SH3KBP1: variants seen among roughly 807,000 people sequenced by gnomAD.
SH3KBP1 encodes SH3 domain containing kinase binding protein 1.
In SH3KBP1, 8 loss-of-function variants were observed where a neutral mutation model predicts 50.1. That is an observed-to-expected ratio of 0.16 (90% CI 0.09 to 0.29). SH3KBP1 has a LOEUF of 0.29. SH3KBP1 is among the 10% of genes least tolerant of loss of function. SH3KBP1 has a pLI of 1.00. For missense variants in SH3KBP1, 377 were observed against 535.2 expected (o/e 0.70, Z 2.92); for synonymous variants, 227 against 218.6 (o/e 1.04, Z -0.34).
At chrX:19,565,187 A>T (rs902324193) in intron 13 of SH3KBP1, among the ~76,000 whole-genome samples, 3 of 103,160 alleles carry the variant, frequency 2.9e-5, no homozygotes, top group Non-Finnish European at 5.8e-5. Context: ...TCAGCCTCCC[A>T]AGTAGCTGGG....
At chrX:19,801,438 T>A (rs1368790343) in intron 2 of SH3KBP1, among the ~76,000 whole-genome samples, 1 of 112,348 alleles carries the variant, frequency 8.9e-6, no homozygotes, top group African/African-American at 3.2e-5. Flanking sequence ...TTCCATGCAA[T>A]CTCAAGTGTG....
At chrX:19,775,457 A>T (rs1420112423) in intron 2 of SH3KBP1, among the ~76,000 whole-genome samples, 1 of 112,214 alleles carries the variant, frequency 8.9e-6, no homozygotes, top group African/African-American at 3.2e-5. Flanking sequence ...TTAAACATCA[A>T]GCCTCGTTCA....
chrX:19,582,213 G>A (rs980110863), intron 12 of SH3KBP1, among the ~76,000 whole-genome samples: 6 of 112,089 alleles, frequency 5.4e-5, no homozygotes, highest in African/African-American at 1.3e-4. Flanking sequence ...CTCAGCCACC[G>A]GCCAAAGCAA....
At chrX:19,872,214 T>G (rs1216458911) in intron 1 of SH3KBP1, among the ~76,000 whole-genome samples, 2 of 89,772 alleles carry the variant, frequency 2.2e-5, no homozygotes, top group Non-Finnish European at 4.2e-5. Context: ...ATCGCGCCAT[T>G]GCACTCCAGC....
intron 10 of SH3KBP1, among the ~76,000 whole-genome samples, chrX:19,594,694 T>C (rs1464553772): frequency 8.9e-6 from 1 of 111,821 alleles, no homozygotes; most frequent in Non-Finnish European, 1.9e-5. Flanking sequence ...TTGTTTGTTT[T>C]AATTCTTTCT....
intron 11 of SH3KBP1, 113 bp from the exon 12 acceptor site, chrX:19,588,915 AG>A: frequency 1.4e-6 from 1 of 699,465 alleles, no homozygotes; most frequent in Admixed American, 3.6e-5. Flanking sequence ...CTATTTCTGA[AG>A]GTGATCATGG....
intron 16 of SH3KBP1, among the ~76,000 whole-genome samples, chrX:19,540,395 A>T (rs1309810883): frequency 9.0e-6 from 1 of 111,155 alleles, no homozygotes; most frequent in Non-Finnish European, 1.9e-5. Context: ...TCATCCTAGG[A>T]TGCTCTGGAA....
chrX:19,577,149 C>T (rs1404642467), intron 12 of SH3KBP1, among the ~76,000 whole-genome samples: 2 of 112,193 alleles, frequency 1.8e-5, no homozygotes, highest in African/African-American at 3.2e-5. Flanking sequence ...TTCTAGAGAA[C>T]CCCACCTGTG....
At chrX:19,581,853 TAA>T (rs35059308) in intron 12 of SH3KBP1, among the ~76,000 whole-genome samples, 143 of 75,569 alleles carry the variant, frequency 1.9e-3, no homozygotes, top group African/African-American at 5.8e-3. Context: ...ACTACAGGTT[TAA>T]AAAAAAAAAA....
intron 1 of SH3KBP1, among the ~76,000 whole-genome samples, chrX:19,863,893 C>T (rs746025895): frequency 8.9e-6 from 1 of 112,314 alleles, no homozygotes; most frequent in African/African-American, 3.2e-5. Context: ...CTTTTATTTT[C>T]TTTGGGGCCA....
In SH3KBP1 at chrX:19,729,857, C is replaced by CTACA. The variant is rs748657354; in HGVS notation, c.286+16457_286+16460dup. Among the ~76,000 whole-genome samples the CTACA allele has an allele frequency of 8.0e-5, 9 of 111,867 alleles. No individual in the cohort carries two copies. In the East Asian group the frequency reaches 1.7e-3, roughly 21 times the overall value. On this transcript the variant is annotated intron_variant, in intron 3 of 17. Transcript: ENST00000397821. Reference sequence around the variant, plus strand: ...GAGTTCTGTGCAAGAAGGGCAAGAGCTACAGGGCCAAAGCTTAGGAGGGAA... The same window carrying CTACA: ...GAGTTCTGTGCAAGAAGGGCAAGAGCTACATACAGGGCCAAAGCTTAGGAGGGAA...
intron 5 of SH3KBP1, among the ~76,000 whole-genome samples, chrX:19,692,101 G>A (rs2063304511): frequency 9.0e-6 from 1 of 111,718 alleles, no homozygotes; most frequent in Non-Finnish European, 1.9e-5. Flanking sequence ...TGGTAAAGAT[G>A]TTTTCAAATT....
chrX:19,593,834 T>A lies in SH3KBP1; in HGVS notation c.1057+1115A>T, dbSNP rs575658325. Among the ~76,000 whole-genome samples the A allele has an allele frequency of 2.7e-5, 3 of 112,005 alleles. No individual in the cohort carries two copies. The South Asian group carries it at 1.1e-3, about 41-fold the overall frequency. On this transcript the variant is annotated intron_variant, in intron 10 of 17. Transcript: ENST00000397821. ...AAAGGGGTCTTCAGAGAAAAGTAAA[T>A]AAATAGCTTGCTTCAATTTCAGCAC...
At chrX:19,701,235 C>T (rs1316539006) in intron 4 of SH3KBP1, among the ~76,000 whole-genome samples, 1 of 111,734 alleles carries the variant, frequency 8.9e-6, no homozygotes, top group African/African-American at 3.3e-5. Context: ...GTAACACAAG[C>T]CAGCAAGATA....
At chrX:19,722,631 G>C (rs1414610986) in intron 3 of SH3KBP1, among the ~76,000 whole-genome samples, 1 of 104,320 alleles carries the variant, frequency 9.6e-6, no homozygotes, top group Non-Finnish European at 2.0e-5. Flanking sequence ...CCCAGTGCCT[G>C]CCGGGCTGCA....
At chrX:19,668,961 TATA>T (rs2062702692) in intron 6 of SH3KBP1, among the ~76,000 whole-genome samples, 1 of 60,292 alleles carries the variant, frequency 1.7e-5, no homozygotes, top group African/African-American at 6.3e-5. Flanking sequence ...TATATATATA[TATA>T]TATATATATA....
At chrX:19,616,070 C>G (rs891308892) in intron 8 of SH3KBP1, among the ~76,000 whole-genome samples, 2 of 111,098 alleles carry the variant, frequency 1.8e-5, no homozygotes, top group African/African-American at 6.5e-5. Flanking sequence ...TCAAGCAATC[C>G]TTCCACTCAG....
chrX:19,769,658 T>G (rs752869877), intron 2 of SH3KBP1, among the ~76,000 whole-genome samples: 2 of 111,231 alleles, frequency 1.8e-5, no homozygotes. Context: ...ACGTTGCAGT[T>G]TGAGTACTGG....
intron 6 of SH3KBP1, chrX:19,648,192 T>C (rs779143665): frequency 2.7e-4 from 82 of 304,487 alleles, no homozygotes; most frequent in African/African-American, 2.1e-3. Flanking sequence ...TGTGACAACA[T>C]TGCTGAGGGA....
Sources: allele counts gnomAD v4.1 joint callset (sites outside exome capture counted in the v4.1 genomes callset), GRCh38; gene constraint gnomAD v4.1.1; transcripts MANE v1.5; gene names NCBI Gene and HGNC (gene_info 2026-07-23, HGNC 2026-07-21).